Variants in JARID2 observed in about 807,000 individuals in gnomAD.
The protein encoded by JARID2 is protein Jumonji.
A neutral mutation model predicts 125.6 loss-of-function variants in JARID2; 21 were observed. The observed-to-expected ratio is 0.17, with a 90% confidence interval of 0.12 to 0.24. The LOEUF is 0.24. Ranked by LOEUF, JARID2 falls within the 10% of genes least tolerant of loss-of-function variation. JARID2 has a pLI of 1.00. For synonymous variants in JARID2, 736 were observed against 661.6 expected, an observed-to-expected ratio of 1.11 and a Z score of -1.73; for missense variants, 1,303 against 1,639.6, an observed-to-expected ratio of 0.79 and a Z score of 3.55.
At chr6:15,399,861 T>C (rs987441421) in intron 2 of JARID2, among the ~76,000 whole-genome samples, 2 of 152,198 alleles carry the variant, frequency 1.3e-5, no homozygotes, top group African/African-American at 4.8e-5. Flanking sequence ...CTTCCTCCCA[T>C]TGGAAGGGCA....
intron 3 of JARID2, among the ~76,000 whole-genome samples, chr6:15,427,543 A>C (rs1766782154): frequency 6.6e-6 from 1 of 152,008 alleles, no homozygotes; most frequent in East Asian, 1.9e-4. Context: ...TGCTGGATAC[A>C]AGTTTCTTTC....
At chr6:15,296,993 T>C (rs905015980) in intron 1 of JARID2, among the ~76,000 whole-genome samples, 3 of 152,230 alleles carry the variant, frequency 2.0e-5, no homozygotes, top group Non-Finnish European at 4.4e-5. Context: ...TGTCCCCTCC[T>C]AGTTTGAGTA....
chr6:15,517,888 TACGAGGAAGGTC>T (rs1332990058), intron 17 of JARID2, among the ~76,000 whole-genome samples: 1 of 152,222 alleles, frequency 6.6e-6, no homozygotes, highest in East Asian at 1.9e-4. Flanking sequence ...TGAGGCTGGT[TACGAGGAAGGTC>T]GCCACATTGT....
chr6:15,458,759 G>A (rs1420671887), intron 4 of JARID2, among the ~76,000 whole-genome samples: 1 of 152,240 alleles, frequency 6.6e-6, no homozygotes, highest in Non-Finnish European at 1.5e-5. Context: ...GCGGGTCTCC[G>A]CGTTACAGTG....
intron 1 of JARID2, among the ~76,000 whole-genome samples, chr6:15,261,481 C>T (rs1759875212): frequency 6.6e-6 from 1 of 151,890 alleles, no homozygotes. Flanking sequence ...CGACACCCAC[C>T]TAAATTTTGT....
chr6:15,339,784 G>A (rs969936880), intron 1 of JARID2, among the ~76,000 whole-genome samples: 9 of 151,926 alleles, frequency 5.9e-5, no homozygotes, highest in African/African-American at 1.5e-4. Flanking sequence ...ATGTGCCCTC[G>A]TCGGCCTCCC....
chr6:15,266,898 G>A (rs1257436851), intron 1 of JARID2, among the ~76,000 whole-genome samples: 1 of 152,206 alleles, frequency 6.6e-6, no homozygotes, highest in Non-Finnish European at 1.5e-5. Flanking sequence ...TTAGCTGCAT[G>A]TCCAGGAGGA....
intron 5 of JARID2, among the ~76,000 whole-genome samples, chr6:15,485,029 T>TA (rs1406550280): frequency 6.6e-6 from 1 of 152,226 alleles, no homozygotes; most frequent in African/African-American, 2.4e-5. Flanking sequence ...CTAGCACAGA[T>TA]ACTGCCAGCT....
chr6:15,367,054 A>AC (rs1027728835), intron 1 of JARID2, among the ~76,000 whole-genome samples: 1 of 151,932 alleles, frequency 6.6e-6, no homozygotes, highest in African/African-American at 2.4e-5. Flanking sequence ...GAGTTGGTTG[A>AC]CCCATGACCC....
At chr6:15,472,528 A>G (rs964318652) in intron 5 of JARID2, among the ~76,000 whole-genome samples, 1 of 151,866 alleles carries the variant, frequency 6.6e-6, no homozygotes, top group Non-Finnish European at 1.5e-5. Context: ...AGTGTCTACC[A>G]TTTTGATTAT....
At chr6:15,508,575 G>C (rs1771118761) in intron 12 of JARID2, 121 bp downstream of exon 12, 1 of 665,386 alleles carries the variant, frequency 1.5e-6, no homozygotes, top group Admixed American at 2.2e-5. Flanking sequence ...TTGCTTCTCT[G>C]TGTTCAGGCC....
In JARID2 at chr6:15,454,845, A is replaced by G. The variant is rs189973247; in HGVS notation, c.493+2670A>G. ...TTGCATGTTGAGTATGAAGATGGAAAGGAAGCTGTGAGAACTAAATATGAC... is the reference window on the plus strand; with the variant it reads ...TTGCATGTTGAGTATGAAGATGGAAGGGAAGCTGTGAGAACTAAATATGAC... On this transcript the variant is annotated intron_variant, in intron 4 of 17. Transcript: ENST00000341776. 8.5e-4 allele frequency among the ~76,000 whole-genome samples: 129 copies of G among 152,288 alleles called. 1 individual carries two copies. Among genetic ancestry groups the G allele is most frequent in the Admixed American group, 1.4e-3 (22 of 15,292 alleles).
intron 2 of JARID2, among the ~76,000 whole-genome samples, chr6:15,403,483 T>C: frequency 6.6e-6 from 1 of 152,142 alleles, no homozygotes; most frequent in African/African-American, 2.4e-5. Flanking sequence ...AAATAGGAGA[T>C]ATCTGCTGGG....
chr6:15,258,809 A>C (rs1479264262), intron 1 of JARID2, among the ~76,000 whole-genome samples: 1 of 152,178 alleles, frequency 6.6e-6, no homozygotes, highest in Non-Finnish European at 1.5e-5. Flanking sequence ...CAGAACACCA[A>C]CTGTGACTAT....
intron 1 of JARID2, among the ~76,000 whole-genome samples, chr6:15,329,136 T>TG (rs1762623959): frequency 6.6e-6 from 1 of 151,864 alleles, no homozygotes; most frequent in Admixed American, 6.6e-5. Context: ...TCTTTGTTGA[T>TG]GCTTAAATTG....
chr6:15,432,693 G>C (rs1211896807), intron 3 of JARID2, among the ~76,000 whole-genome samples: 1 of 152,166 alleles, frequency 6.6e-6, no homozygotes, highest in African/African-American at 2.4e-5. Flanking sequence ...CTAGAAGGTT[G>C]GCAGTTTTTC....
intron 4 of JARID2, among the ~76,000 whole-genome samples, chr6:15,460,724 G>A (rs781449116): frequency 2.6e-5 from 4 of 152,094 alleles, no homozygotes; most frequent in African/African-American, 7.2e-5. Context: ...TTTTTGAGAC[G>A]AAGTCTCCCA....
intron 3 of JARID2, among the ~76,000 whole-genome samples, chr6:15,411,014 G>C (rs1321745954): frequency 6.6e-6 from 1 of 152,008 alleles, no homozygotes; most frequent in East Asian, 1.9e-4. Flanking sequence ...ATTTTACTTG[G>C]GTGTTTTTGA....
chr6:15,416,018 G>A (rs1178261837), intron 3 of JARID2, among the ~76,000 whole-genome samples: 18 of 151,372 alleles, frequency 1.2e-4, no homozygotes, highest in Non-Finnish European at 2.5e-4. Context: ...CGGGGTCATG[G>A]CCCGGTAGAG....
Sources: allele counts gnomAD v4.1 joint callset (sites outside exome capture counted in the v4.1 genomes callset), GRCh38; gene constraint gnomAD v4.1.1; transcripts MANE v1.5; gene names NCBI Gene and HGNC (gene_info 2026-07-23, HGNC 2026-07-21).